The following GABRG3 variants were observed in gnomAD, a reference collection of about 807,000 sequenced individuals.
The protein encoded by GABRG3 is gamma-aminobutyric acid type A receptor subunit gamma3, also known as gamma-aminobutyric acid receptor subunit gamma-3.
In GABRG3, 25 loss-of-function variants were observed where a neutral mutation model predicts 48.8. The ratio of observed to expected loss-of-function variants is 0.51; its 90% CI spans 0.37 to 0.72. The LOEUF (loss-of-function observed/expected upper bound fraction) is 0.72, where lower values mean the gene tolerates loss of function less well. GABRG3 is among the 30% of genes least tolerant of loss of function. The pLI, the probability that GABRG3 is intolerant of heterozygous loss-of-function variation, is 0.00. For synonymous variants in GABRG3, 227 were observed against 217.6 expected (o/e 1.04, Z -0.38); for missense variants, 394 against 577.9 (o/e 0.68, Z 3.26).
At chr15:27,095,509 T>C (rs1897255450) in intron 3 of GABRG3, among the ~76,000 whole-genome samples, 1 of 152,120 alleles carries the variant, frequency 6.6e-6, no homozygotes, top group African/African-American at 2.4e-5. Flanking sequence ...GTGTGGTATC[T>C]CACAGTGAAC....
At chr15:27,370,536 C>T (rs1206621462) in intron 5 of GABRG3, among the ~76,000 whole-genome samples, 1 of 152,130 alleles carries the variant, frequency 6.6e-6, no homozygotes, top group African/African-American at 2.4e-5. Flanking sequence ...GGATCCTGGT[C>T]CAGCAGACTT....
intron 3 of GABRG3, among the ~76,000 whole-genome samples, chr15:27,269,678 C>T (rs192560634): frequency 2.4e-4 from 36 of 152,290 alleles, no homozygotes; most frequent in Non-Finnish European, 4.4e-4. Flanking sequence ...TCAGGCCCTG[C>T]GTAGTCCTGA....
At chr15:27,307,787 C>CAT (rs975223412) in intron 3 of GABRG3, among the ~76,000 whole-genome samples, 1 of 63,844 alleles carries the variant, frequency 1.6e-5, no homozygotes, top group Non-Finnish European at 3.2e-5. Context: ...TATATATAAA[C>CAT]ATATATATAA....
chr15:27,145,011 A>G (rs1458152362), intron 3 of GABRG3, among the ~76,000 whole-genome samples: 1 of 152,214 alleles, frequency 6.6e-6, no homozygotes, highest in Non-Finnish European at 1.5e-5. Context: ...AACAAGAAAC[A>G]GGAACAACAA....
intron 3 of GABRG3, among the ~76,000 whole-genome samples, chr15:27,271,341 G>A (rs1489101240): frequency 1.3e-5 from 2 of 152,208 alleles, no homozygotes; most frequent in African/African-American, 4.8e-5. Context: ...CTCCGCGGGT[G>A]CCTCTCGCTG....
At chr15:27,430,909 G>T (rs1214089142) in intron 5 of GABRG3, among the ~76,000 whole-genome samples, 1 of 151,918 alleles carries the variant, frequency 6.6e-6, no homozygotes, top group Non-Finnish European at 1.5e-5. Context: ...AAGATCATTT[G>T]AACCCAAGAG....
intron 3 of GABRG3, among the ~76,000 whole-genome samples, chr15:27,309,866 A>G (rs182306391): frequency 2.0e-5 from 3 of 152,112 alleles, no homozygotes. Context: ...CCTGTACATT[A>G]ATATTTACAG....
chr15:27,229,079 C>T (rs11857637), intron 3 of GABRG3, among the ~76,000 whole-genome samples: 34,433 of 152,068 alleles, frequency 0.23, 6,121 homozygotes, highest in East Asian at 0.48. Flanking sequence ...TTAGATCCCA[C>T]TTGTCAATTT....
intron 3 of GABRG3, among the ~76,000 whole-genome samples, chr15:27,065,410 C>A (rs566774351): frequency 3.3e-5 from 5 of 152,230 alleles, no homozygotes; most frequent in African/African-American, 1.2e-4. Context: ...AGGCAGAAAT[C>A]CAGGAATGTG....
rs1257119904 is a variant in GABRG3 at position 27,537,795 on chromosome 15, T to C, written c.*4914T>C. On this transcript the variant is annotated 3_prime_UTR_variant, in exon 10 of 10. Coordinates refer to ENST00000615808, the MANE Select transcript of GABRG3 (RefSeq NM_033223.5). The stretch of plus-strand genomic sequence containing the variant: ...TTGTATTAAGGCCAAAAGGCAGACT[T>C]TCTTTATATTTATTTTTATTATTTA... 6.6e-6 allele frequency: 1 copy of C among 150,580 alleles called. No individual in the cohort carries two copies. The highest frequency in any genetic ancestry group is 1.5e-5 in the Non-Finnish European group (1 of 67,678). 9.3% of individuals were successfully genotyped at this position (150,580 alleles called of 1,614,324 possible). A position where few individuals can be genotyped will look rare whatever the true frequency, so the allele number is the denominator to read the frequency against.
chr15:26,995,311 A>G (rs1192485524), intron 2 of GABRG3, among the ~76,000 whole-genome samples: 1 of 151,592 alleles, frequency 6.6e-6, no homozygotes, highest in Non-Finnish European at 1.5e-5. Context: ...ACCTTTTTCC[A>G]TCTTTTGCAT....
chr15:27,530,579 T>C (rs1891398829), intron 9 of GABRG3: 1 of 470,586 alleles, frequency 2.1e-6, no homozygotes. Context: ...TTTGGCTCCC[T>C]AAATGAAGTG....
At chr15:27,271,225 C>G (rs888548283) in intron 3 of GABRG3, among the ~76,000 whole-genome samples, 6 of 152,182 alleles carry the variant, frequency 3.9e-5, no homozygotes, top group African/African-American at 1.4e-4. Context: ...GTGAGTGCTC[C>G]CTGCACTTGC....
chr15:27,462,644 C>T (rs572635424), intron 5 of GABRG3, among the ~76,000 whole-genome samples: 5 of 152,162 alleles, frequency 3.3e-5, no homozygotes, highest in African/African-American at 1.2e-4. Flanking sequence ...TTAACTTCTC[C>T]TATCACTTGA....
At chr15:27,091,915 C>T (rs980710725) in intron 3 of GABRG3, among the ~76,000 whole-genome samples, 2 of 152,164 alleles carry the variant, frequency 1.3e-5, no homozygotes, top group Non-Finnish European at 1.5e-5. Context: ...GTTGTTATAA[C>T]CCTGTGGCTA....
chr15:27,350,457 C>T (rs1034881959), intron 5 of GABRG3: 3 of 324,994 alleles, frequency 9.2e-6, no homozygotes, highest in Admixed American at 8.0e-5. Flanking sequence ...TAAAAATGGA[C>T]ACATTCAGTA....
chr15:27,509,659 C>T (rs540762724), intron 6 of GABRG3, among the ~76,000 whole-genome samples: 4 of 152,238 alleles, frequency 2.6e-5, no homozygotes, highest in African/African-American at 4.8e-5. Flanking sequence ...ACCTCTCTTA[C>T]TACATTTTTG....
intron 5 of GABRG3, among the ~76,000 whole-genome samples, chr15:27,446,394 G>A (rs752375197): frequency 6.6e-6 from 1 of 152,140 alleles, no homozygotes; most frequent in Non-Finnish European, 1.5e-5. Flanking sequence ...ACCGACCCCT[G>A]AAATATCTTA....
In GABRG3 at chr15:27,527,994, T is replaced by G. The variant is rs759094246; in HGVS notation, c.1122+2T>G. The G allele has an allele frequency of 7.5e-6, 12 of 1,592,610 alleles. No homozygotes were observed. The highest frequency in any genetic ancestry group is 4.6e-5 in the South Asian group (4 of 87,666). The stretch of plus-strand genomic sequence containing the variant: ...CGAATAAGCCTACAAGCCCCTTCCG[T>G]ACGTATAGCATTGCAGGTGCCAATA... On this transcript the variant is annotated splice_donor_variant, in intron 9 of 9. Coordinates refer to ENST00000615808, the MANE Select transcript of GABRG3 (RefSeq NM_033223.5). LOFTEE classifies it high-confidence loss of function.
Sources: allele counts gnomAD v4.1 joint callset (sites outside exome capture counted in the v4.1 genomes callset), GRCh38; gene constraint gnomAD v4.1.1; transcripts MANE v1.5; gene names NCBI Gene and HGNC (gene_info 2026-07-23, HGNC 2026-07-21).